Variants in CFDP1 observed in about 807,000 individuals in gnomAD.
CFDP1 encodes heterochromatin-stabilizing protein CFDP1.
In CFDP1, 31 loss-of-function variants were observed where a neutral mutation model predicts 40.1. The observed-to-expected ratio is 0.77, with a 90% CI of 0.58 to 1.04. The LOEUF (loss-of-function observed/expected upper bound fraction) is 1.04. Ranked by LOEUF, CFDP1 falls within the 50% of genes least tolerant of loss-of-function variation. The probability of loss-of-function intolerance (pLI) is 0.00; values close to 1 mark genes in which losing one functional copy is unlikely to be tolerated. For missense variants in CFDP1, 423 were observed against 343.4 expected (o/e 1.23, Z -1.83); for synonymous variants, 167 against 120.0 (o/e 1.39, Z -2.56).
Position 75,414,564 on chromosome 16 carries a change from G to A in CFDP1, c.182+14C>T, listed in dbSNP as rs368118230. The A allele has an allele frequency of 6.5e-7, 1 of 1,538,958 alleles. No homozygotes were observed. The highest frequency in any genetic ancestry group is 9.0e-7 in the Non-Finnish European group (1 of 1,111,716). On this transcript the variant is annotated intron_variant, in intron 2 of 6. Coordinates refer to ENST00000283882, the MANE Select transcript of CFDP1 (RefSeq NM_006324.3). ...ATAGCCCCTAACTTCTAAGGGCCTT[G>A]AAGGCAGCATCACCTGGCTGGAATG...
chr16:75,365,252 G>C (rs1030914395), intron 5 of CFDP1, among the ~76,000 whole-genome samples: 2 of 152,156 alleles, frequency 1.3e-5, no homozygotes, highest in Non-Finnish European at 2.9e-5. Context: ...TTATTAAATG[G>C]AATAACATAG....
At chr16:75,360,554 C>G (rs1192618708) in intron 5 of CFDP1, among the ~76,000 whole-genome samples, 1 of 152,124 alleles carries the variant, frequency 6.6e-6, no homozygotes, top group Non-Finnish European at 1.5e-5. Flanking sequence ...CGCATTAACC[C>G]CCAATGGGAG....
intron 1 of CFDP1, among the ~76,000 whole-genome samples, chr16:75,430,693 A>C (rs1202179915): frequency 6.6e-6 from 1 of 152,044 alleles, no homozygotes; most frequent in East Asian, 1.9e-4. Flanking sequence ...TGAACTCCTG[A>C]CCTCAAATGA....
At chr16:75,353,973 C>G (rs1885199431) in intron 5 of CFDP1, among the ~76,000 whole-genome samples, 1 of 152,088 alleles carries the variant, frequency 6.6e-6, no homozygotes, top group South Asian at 2.1e-4. Flanking sequence ...TATAGTTTGA[C>G]TTAGAATTTT....
Position 75,333,085 on chromosome 16 carries a change from G to A in CFDP1, c.651-27903C>T, listed in dbSNP as rs188666335. Among the ~76,000 whole-genome samples, 368 of 149,404 alleles carry A rather than the reference G, an allele frequency of 2.5e-3. 2 individuals are homozygous for A. Among genetic ancestry groups the A allele is most frequent in the African/African-American group, 8.8e-3 (357 of 40,670 alleles). On this transcript the variant is annotated intron_variant, in intron 5 of 6. Coordinates refer to ENST00000283882, the MANE Select transcript of CFDP1 (RefSeq NM_006324.3). ...GGCCTCCCAAAGTGCTGGGATTACA[G>A]GCGTGAGCCACTGCGCCCAGCCAGC...
chr16:75,354,934 T>C (rs1191129973), intron 5 of CFDP1, among the ~76,000 whole-genome samples: 2 of 152,218 alleles, frequency 1.3e-5, no homozygotes, highest in African/African-American at 2.4e-5. Flanking sequence ...AGGAGATATT[T>C]TGGGTTCAGT....
intron 5 of CFDP1, among the ~76,000 whole-genome samples, chr16:75,354,708 T>C (rs1307869675): frequency 1.3e-5 from 2 of 152,208 alleles, no homozygotes; most frequent in Admixed American, 6.5e-5. Flanking sequence ...AGTGCTGTTT[T>C]AAAAGTTACT....
At chr16:75,407,094 T>TGTG (rs2079107193) in intron 4 of CFDP1, among the ~76,000 whole-genome samples, 1 of 152,054 alleles carries the variant, frequency 6.6e-6, no homozygotes, top group Admixed American at 6.6e-5. Flanking sequence ...CTTGGGAGGC[T>TGTG]GTGGTGGGAG....
intron 6 of CFDP1, among the ~76,000 whole-genome samples, chr16:75,299,665 A>G (rs2078208947): frequency 6.6e-6 from 1 of 151,902 alleles, no homozygotes. Context: ...AGCTAGTGGG[A>G]TGGGTGTTTA....
chr16:75,344,403 T>C (rs73617868), intron 5 of CFDP1, among the ~76,000 whole-genome samples: 2 of 152,202 alleles, frequency 1.3e-5, no homozygotes, highest in East Asian at 3.8e-4. Flanking sequence ...TCACTTTAAT[T>C]GCTTTAGAAA....
chr16:75,293,895 G>A lies in CFDP1; in HGVS notation c.*57C>T, dbSNP rs187913467. The A allele has an allele frequency of 1.2e-5, 17 of 1,379,282 alleles. No homozygotes were observed. The highest frequency in any genetic ancestry group is 7.1e-5 in the African/African-American group (5 of 70,260). The allele number at this position is 1,379,282 out of a possible 1,614,324, so 85.4% of individuals were successfully genotyped here. A position where few individuals can be genotyped will look rare whatever the true frequency, so the allele number is the denominator to read the frequency against. ...AAACACTGTAAAACATTTCACAGAC[G>A]CACAAAAAGCTCACATTGTAAACAG... On this transcript the variant is annotated 3_prime_UTR_variant, in exon 7 of 7. Coordinates refer to ENST00000283882, the MANE Select transcript of CFDP1 (RefSeq NM_006324.3).
intron 5 of CFDP1, among the ~76,000 whole-genome samples, chr16:75,308,019 A>C (rs889907736): frequency 5.3e-5 from 8 of 152,120 alleles, no homozygotes; most frequent in African/African-American, 1.9e-4. Context: ...GCTGCACTAG[A>C]TGGTTCTGGG....
At chr16:75,337,900 C>T (rs1033791651) in intron 5 of CFDP1, among the ~76,000 whole-genome samples, 3 of 152,166 alleles carry the variant, frequency 2.0e-5, no homozygotes, top group Non-Finnish European at 4.4e-5. Context: ...GGAGTTTGCT[C>T]GTTTTCCCTT....
At chr16:75,351,238 G>C (rs565867468) in intron 5 of CFDP1, among the ~76,000 whole-genome samples, 4 of 152,226 alleles carry the variant, frequency 2.6e-5, no homozygotes, top group Non-Finnish European at 4.4e-5. Flanking sequence ...ATAAAAATAA[G>C]ACAAAGCAAA....
chr16:75,375,885 G>A (rs1175301678), intron 5 of CFDP1, among the ~76,000 whole-genome samples: 3 of 151,998 alleles, frequency 2.0e-5, no homozygotes, highest in Admixed American at 6.6e-5. Context: ...ATATAAAATG[G>A]TACAACCATC....
At chr16:75,406,245 CCA>C (rs1223187141) in intron 4 of CFDP1, among the ~76,000 whole-genome samples, 1 of 151,976 alleles carries the variant, frequency 6.6e-6, no homozygotes, top group Non-Finnish European at 1.5e-5. Flanking sequence ...GCATGGGTGA[CCA>C]ATGCCTATAT....
intron 5 of CFDP1, among the ~76,000 whole-genome samples, chr16:75,312,750 T>G (rs955811305): frequency 6.6e-6 from 1 of 152,192 alleles, no homozygotes; most frequent in African/African-American, 2.4e-5. Flanking sequence ...CAGGGAGAAC[T>G]AAGAAATTTT....
intron 5 of CFDP1, among the ~76,000 whole-genome samples, chr16:75,380,581 C>G (rs2078844405): frequency 6.6e-6 from 1 of 152,030 alleles, no homozygotes; most frequent in Admixed American, 6.6e-5. Context: ...CACATAACAG[C>G]CCAAGGAACA....
chr16:75,409,456 T>C (rs2079136285), intron 4 of CFDP1: 2 of 152,250 alleles, frequency 1.3e-5, no homozygotes, highest in African/African-American at 4.8e-5. Flanking sequence ...GTAGGGTATC[T>C]GTCGAATCTT....
Sources: gnomAD v4.1 joint callset for allele counts (sites outside exome capture counted in the v4.1 genomes callset) on GRCh38, gnomAD v4.1.1 for gene constraint, MANE v1.5 for transcripts, NCBI Gene and HGNC (gene_info 2026-07-23, HGNC 2026-07-21) for gene names.